COQ5: variants seen among roughly 807,000 people sequenced by gnomAD.
COQ5 encodes 2-methoxy-6-polyprenyl-1,4-benzoquinol methylase, mitochondrial.
Under a neutral mutation model 40.5 loss-of-function variants are expected in COQ5, and 27 were observed. The ratio of observed to expected loss-of-function variants is 0.67; its 90% CI spans 0.49 to 0.92. The LOEUF is 0.92. COQ5 is among the 40% of genes least tolerant of loss of function. The probability of loss-of-function intolerance (pLI) is 0.00; values close to 1 mark genes in which losing one functional copy is unlikely to be tolerated. For missense variants in COQ5, 409 were observed against 406.4 expected (o/e 1.01, Z -0.06); for synonymous variants, 141 against 150.0 (o/e 0.94, Z 0.44).
At chr12:120,504,727 T>G in intron 5 of COQ5, 168 bp downstream of exon 5, 1 of 672,948 alleles carries the variant, frequency 1.5e-6, no homozygotes, top group Admixed American at 2.2e-5. Flanking sequence ...CCAACTTGGG[T>G]CTGGTTTGAG....
intron 2 of COQ5, among the ~76,000 whole-genome samples, chr12:120,518,945 T>G (rs2137088059): frequency 6.6e-6 from 1 of 152,348 alleles, no homozygotes; most frequent in African/African-American, 2.4e-5. Flanking sequence ...GTGAGCACGA[T>G]ATTTCAATAT....
chr12:120,525,255 A>G (rs913580545), intron 1 of COQ5, among the ~76,000 whole-genome samples: 2 of 151,872 alleles, frequency 1.3e-5, no homozygotes, highest in Non-Finnish European at 2.9e-5. Context: ...ACTTGCCACC[A>G]TGCCTGGCTA....
At chr12:120,509,870 G>C in intron 4 of COQ5, 147 bp downstream of exon 4, 1 of 686,164 alleles carries the variant, frequency 1.5e-6, no homozygotes, top group Non-Finnish European at 2.6e-6. Context: ...AGGACTGCTT[G>C]AGCCCAGGAG....
At position 120,523,533 on chromosome 12, in the gene COQ5, A is replaced by G. The variant is rs878999441; in HGVS notation, c.203-1170T>C. The G allele has an allele frequency of 3.9e-5, 8 of 203,304 alleles. No homozygotes were observed. In the South Asian group the frequency reaches 5.7e-4, roughly 14 times the overall value. The allele number at this position is 203,304 out of a possible 1,614,324, so 12.6% of individuals were successfully genotyped here. A position where few individuals can be genotyped will look rare whatever the true frequency, so the allele number is the denominator to read the frequency against. ...ATTACCTCTTTAATAAGAGGCTTAAATGTACTTCATGGAAGAAATCAACCT... is the reference window on the plus strand; with the variant it reads ...ATTACCTCTTTAATAAGAGGCTTAAGTGTACTTCATGGAAGAAATCAACCT... On this transcript the variant is annotated intron_variant, in intron 1 of 6. Coordinates refer to ENST00000288532, the MANE Select transcript of COQ5 (RefSeq NM_032314.4).
chr12:120,525,703 T>A (rs575412656), intron 1 of COQ5, among the ~76,000 whole-genome samples: 1 of 151,842 alleles, frequency 6.6e-6, no homozygotes, highest in African/African-American at 2.4e-5. Flanking sequence ...GGCGGGGGGA[T>A]CACGAGGTCC....
At chr12:120,525,258 C>G (rs533158996) in intron 1 of COQ5, among the ~76,000 whole-genome samples, 1 of 152,244 alleles carries the variant, frequency 6.6e-6, no homozygotes, top group South Asian at 2.1e-4. Flanking sequence ...TGCCACCATG[C>G]CTGGCTAATT....
rs773692795 is a variant in COQ5 at position 120,510,135 on chromosome 12, A to G, written c.575-12T>C. 1.9e-6 allele frequency: 3 copies of G among 1,595,748 alleles called. No homozygotes were observed. In the South Asian group the frequency reaches 3.3e-5, roughly 18 times the overall value. ...TACCCATGCAAGTCCTGAAAGAGAAAGTGAGTTCCGGGTCTCAGTGTGGGT... is the reference window on the plus strand; with the variant it reads ...TACCCATGCAAGTCCTGAAAGAGAAGGTGAGTTCCGGGTCTCAGTGTGGGT... On this transcript the variant is annotated splice_polypyrimidine_tract_variant and intron_variant, in intron 3 of 6. Transcript: ENST00000288532.
At chr12:120,523,470 G>T in intron 1 of COQ5, 1 of 310,616 alleles carries the variant, frequency 3.2e-6, no homozygotes, top group South Asian at 3.3e-5. Context: ...TCCACAGCCT[G>T]CTCCCCGCTG....
chr12:120,515,913 T>C (rs953033290), intron 3 of COQ5, among the ~76,000 whole-genome samples: 3 of 152,272 alleles, frequency 2.0e-5, no homozygotes, highest in Middle Eastern at 3.4e-3. Flanking sequence ...GGGCAAGTTA[T>C]TTCTTTTTTT....
chr12:120,523,019 C>G, intron 1 of COQ5: 1 of 514,626 alleles, frequency 1.9e-6, no homozygotes, highest in East Asian at 2.9e-5. Flanking sequence ...GGTCCACTCC[C>G]TTAAGAGATT....
chr12:120,526,200 C>T (rs576238665), intron 1 of COQ5, among the ~76,000 whole-genome samples: 11 of 152,360 alleles, frequency 7.2e-5, no homozygotes, highest in African/African-American at 2.4e-4. Flanking sequence ...GCATCAGTTA[C>T]TCAGTTCACA....
intron 4 of COQ5, among the ~76,000 whole-genome samples, chr12:120,507,616 A>C (rs1039098041): frequency 6.9e-6 from 1 of 144,768 alleles, no homozygotes; most frequent in Non-Finnish European, 1.5e-5. Flanking sequence ...TGCCAGGTGC[A>C]GTGGCTCACG....
At chr12:120,516,508 C>T in intron 3 of COQ5, 59 bp downstream of exon 3, 1 of 1,342,020 alleles carries the variant, frequency 7.5e-7, no homozygotes, top group South Asian at 1.2e-5. Flanking sequence ...TTTACATATT[C>T]CACCTTATTC....
At position 120,510,091 on chromosome 12, in the gene COQ5, G is replaced by A. The variant is rs780083402; in HGVS notation, c.607C>T (p.Leu203=). ...LAWVLGDAEE[L]PFDDDKFDIY... ...TCAAACTTGTCATCATCAAAGGGCA[G>A]TTCTTCAGCATCTCCTAATACCCAT... Residue 203 remains leucine, a synonymous_variant, in exon 4 of 7, where the codon CTG becomes TTG. Coordinates refer to ENST00000288532, the MANE Select transcript of COQ5 (RefSeq NM_032314.4). The A allele has an allele frequency of 6.2e-7, 1 of 1,614,006 alleles. No homozygotes were observed. The highest frequency in any genetic ancestry group is 1.1e-5 in the South Asian group (1 of 91,082).
At chr12:120,522,132 A>G in intron 2 of COQ5, 82 bp downstream of exon 2, 1 of 1,426,728 alleles carries the variant, frequency 7.0e-7, no homozygotes, top group Non-Finnish European at 9.8e-7. Flanking sequence ...GCCTCGTGTT[A>G]GGTGAGCTAG....
chr12:120,505,104 G>C, intron 4 of COQ5, 121 bp from the exon 5 acceptor site: 1 of 781,880 alleles, frequency 1.3e-6, no homozygotes, highest in Admixed American at 2.0e-5. Flanking sequence ...CAAACCTCTT[G>C]TTTGTTCTCA....
chr12:120,519,232 C>A (rs1295825355), intron 2 of COQ5, among the ~76,000 whole-genome samples: 2 of 152,088 alleles, frequency 1.3e-5, no homozygotes, highest in African/African-American at 4.8e-5. Context: ...GTGACTAAAT[C>A]TTTGTGGAAG....
Position 120,503,563 on chromosome 12 carries a change from C to A in COQ5, c.*221G>T. ...ATTAGCAGTTGAGCAAAGATACAGACCAAATGCCTCTGGGAGATGGACTGA... is the reference window on the plus strand; with the variant it reads ...ATTAGCAGTTGAGCAAAGATACAGAACAAATGCCTCTGGGAGATGGACTGA... On this transcript the variant is annotated 3_prime_UTR_variant, in exon 7 of 7. Coordinates refer to ENST00000288532, the MANE Select transcript of COQ5 (RefSeq NM_032314.4). The A allele has an allele frequency of 1.5e-6, 1 of 659,178 alleles. No homozygotes were observed. The highest frequency in any genetic ancestry group is 2.8e-6 in the Non-Finnish European group (1 of 357,428). The allele number at this position is 659,178 out of a possible 1,614,324, so 40.8% of individuals were successfully genotyped here.
intron 3 of COQ5, among the ~76,000 whole-genome samples, chr12:120,514,091 T>C (rs950528494): frequency 6.6e-6 from 1 of 152,190 alleles, no homozygotes; most frequent in African/African-American, 2.4e-5. Context: ...CCGTTCTTTA[T>C]GGCTGAGTAC....
Sources: gnomAD v4.1 joint callset for allele counts (sites outside exome capture counted in the v4.1 genomes callset) on GRCh38, gnomAD v4.1.1 for gene constraint, MANE v1.5 for transcripts, NCBI Gene and HGNC (gene_info 2026-07-23, HGNC 2026-07-21) for gene names.